The following TMEM272 variants were observed in gnomAD, a reference collection of about 807,000 sequenced individuals.
The protein encoded by TMEM272 is long intergenic non-protein coding RNA 282.
Under a neutral mutation model 3.7 loss-of-function variants are expected in TMEM272, and 8 were observed. That is an observed-to-expected ratio of 2.17 (90% CI 1.27 to 3.91). The LOEUF (loss-of-function observed/expected upper bound fraction) is 3.91. TMEM272 is among the 30% of genes most tolerant of loss of function. The pLI is 0.00. For synonymous variants in TMEM272, 63 were observed against 39.8 expected, an observed-to-expected ratio of 1.58 and a Z score of -2.20; for missense variants, 166 against 91.5, an observed-to-expected ratio of 1.81 and a Z score of -3.32.
the TMEM272 span, among the ~76,000 whole-genome samples, chr13:51,918,836 CA>C: frequency 1.0e-5 from 1 of 98,952 alleles, no homozygotes. Flanking sequence ...TTTGTAGAGA[CA>C]GGGTTTTGCC....
At chr13:51,909,391 G>A in the TMEM272 span, 5 of 875,522 alleles carry the variant, frequency 5.7e-6, no homozygotes, top group South Asian at 4.0e-5. Flanking sequence ...ACTTTAGAAA[G>A]TTTCTCTTTC....
At chr13:51,869,636 C>A in the TMEM272 span, among the ~76,000 whole-genome samples, 1 of 152,014 alleles carries the variant, frequency 6.6e-6, no homozygotes, top group Admixed American at 6.6e-5. Flanking sequence ...ATTACAGGCA[C>A]CTGCCGCCAT....
the TMEM272 span, among the ~76,000 whole-genome samples, chr13:51,858,016 G>C: frequency 6.6e-6 from 1 of 152,122 alleles, no homozygotes; most frequent in Non-Finnish European, 1.5e-5. Context: ...TAAAACGGTG[G>C]CATTTTATAA....
chr13:51,862,500 G>C, the TMEM272 span, among the ~76,000 whole-genome samples: 1 of 152,188 alleles, frequency 6.6e-6, no homozygotes. Context: ...ACTTGGAGGT[G>C]AATGTTTTCC....
At chr13:51,897,653 G>A in the TMEM272 span, among the ~76,000 whole-genome samples, 259 of 152,140 alleles carry the variant, frequency 1.7e-3, 1 homozygote, top group African/African-American at 5.9e-3. Context: ...AAGGCTGGGC[G>A]CAGTGGCTCA....
At chr13:51,871,188 A>G in the TMEM272 span, among the ~76,000 whole-genome samples, 1 of 114,944 alleles carries the variant, frequency 8.7e-6, no homozygotes, top group African/African-American at 2.9e-5. Flanking sequence ...AATGCAGAGT[A>G]TGACTTTTTT....
chr13:51,871,279 C>T, the TMEM272 span, among the ~76,000 whole-genome samples: 1 of 151,774 alleles, frequency 6.6e-6, no homozygotes, highest in Non-Finnish European at 1.5e-5. Context: ...CAAGCTCCAC[C>T]TCCTGAGTTC....
the TMEM272 span, among the ~76,000 whole-genome samples, chr13:51,879,053 AACAG>A: frequency 1.4e-4 from 21 of 152,300 alleles, no homozygotes; most frequent in South Asian, 4.4e-3. Flanking sequence ...ATCACAAATA[AACAG>A]ACAAAGATTT....
At chr13:51,897,043 G>A in the TMEM272 span, among the ~76,000 whole-genome samples, 1 of 152,184 alleles carries the variant, frequency 6.6e-6, no homozygotes, top group African/African-American at 2.4e-5. Context: ...TCATGTTCAG[G>A]TTGGTTCCCT....
chr13:51,866,600 G>T, the TMEM272 span, among the ~76,000 whole-genome samples: 1 of 152,164 alleles, frequency 6.6e-6, no homozygotes, highest in African/African-American at 2.4e-5. Context: ...CCTCTGGTAG[G>T]GCATGTGGAG....
chr13:51,817,162 A>T (rs1365865480), intron 4 of TMEM272, 49 bp from the exon 5 acceptor site: 3 of 674,870 alleles, frequency 4.4e-6, no homozygotes, highest in Non-Finnish European at 8.2e-6. Flanking sequence ...AGCAAAATAG[A>T]CGGGAAGAGA....
chr13:51,859,945 T>G, the TMEM272 span, among the ~76,000 whole-genome samples: 2 of 151,804 alleles, frequency 1.3e-5, no homozygotes, highest in Non-Finnish European at 2.9e-5. Flanking sequence ...CAGGCTGGAG[T>G]GCAGTGGCAC....
the TMEM272 span, among the ~76,000 whole-genome samples, chr13:51,860,752 TAC>T: frequency 0.15 from 6,461 of 44,442 alleles, 474 homozygotes; most frequent in African/African-American, 0.31. Context: ...TATATATATA[TAC>T]ACACACACAC....
the TMEM272 span, among the ~76,000 whole-genome samples, chr13:51,894,852 C>A: frequency 6.6e-6 from 1 of 151,858 alleles, no homozygotes; most frequent in Non-Finnish European, 1.5e-5. Context: ...CTACAACTCA[C>A]CATGATGTAG....
At chr13:51,918,002 A>C in the TMEM272 span, among the ~76,000 whole-genome samples, 1 of 152,082 alleles carries the variant, frequency 6.6e-6, no homozygotes, top group Non-Finnish European at 1.5e-5. Context: ...TTCTTCCATC[A>C]GTTTTGCTTC....
rs112509323 is a variant in TMEM272 at position 51,828,681 on chromosome 13, C to T, written c.59-2056G>A. The stretch of plus-strand genomic sequence containing the variant: ...CTTGAAATTCTAAATAAATTTCTCT[C>T]GAAATCGTGTATTGTAAGTGAAGTT... On this transcript the variant is annotated intron_variant, in intron 2 of 4. Transcript: ENST00000629372. Among the ~76,000 whole-genome samples, 94 of 152,266 alleles carry T rather than the reference C, an allele frequency of 6.2e-4. No individual in the cohort carries two copies. In the Middle Eastern group the frequency reaches 0.014, roughly 22 times the overall value.
At chr13:51,876,891 G>C in the TMEM272 span, among the ~76,000 whole-genome samples, 1 of 152,192 alleles carries the variant, frequency 6.6e-6, no homozygotes, top group Non-Finnish European at 1.5e-5. Flanking sequence ...GAGCAGGATG[G>C]TGAGAGGTGG....
In TMEM272 at chr13:51,816,878, T is replaced by C. The variant is rs1956033138; in HGVS notation, c.437A>G (p.Asp146Gly). The C allele has an allele frequency of 1.4e-6, 1 of 702,912 alleles. No individual in the cohort carries two copies. Among genetic ancestry groups the C allele is most frequent in the East Asian group, 2.7e-5 (1 of 37,280 alleles). 43.5% of individuals were successfully genotyped at this position (702,912 alleles called of 1,614,324 possible). Reference sequence around the variant, plus strand: ...GACTGCAAAGAGGTACAGGGTTTTGTCACAGTAGTCCTGAGGCTGCTGGAA... The same window carrying C: ...GACTGCAAAGAGGTACAGGGTTTTGCCACAGTAGTCCTGAGGCTGCTGGAA... Reference protein sequence around the residue: ...PPFQQPQDYCDKTLYLFAVGV... With the variant: ...PPFQQPQDYCGKTLYLFAVGV... The change falls in exon 5 of 5, where the codon GAC becomes GGC. Residue 146 changes from aspartate (D) to glycine (G), a missense_variant. Physicochemically the swap from Asp to Gly is moderately conservative, Grantham distance 94 (BLOSUM62 -1). Coordinates refer to ENST00000629372, the MANE Select transcript of TMEM272 (RefSeq NM_001351003.2).
the TMEM272 span, among the ~76,000 whole-genome samples, chr13:51,912,735 C>T: frequency 6.6e-5 from 10 of 152,310 alleles, no homozygotes; most frequent in East Asian, 3.9e-4. Context: ...CCACCCATCA[C>T]GGCTTTGGAA....
Sources: gnomAD v4.1 joint callset for allele counts (sites outside exome capture counted in the v4.1 genomes callset) on GRCh38, gnomAD v4.1.1 for gene constraint, MANE v1.5 for transcripts, NCBI Gene and HGNC (gene_info 2026-07-23, HGNC 2026-07-21) for gene names.